The following MAML3 variants were observed in gnomAD, a reference collection of about 807,000 sequenced individuals.
MAML3 encodes mastermind-like protein 3.
MAML3 carries 27 observed loss-of-function variants against 101.9 expected under a neutral mutation model. The ratio of observed to expected loss-of-function variants is 0.27; its 90% CI spans 0.20 to 0.37. The LOEUF (loss-of-function observed/expected upper bound fraction) is 0.37, where lower values mean the gene tolerates loss of function less well. Ranked by LOEUF, MAML3 falls within the 10% of genes least tolerant of loss-of-function variation. The pLI is 1.00. For synonymous variants in MAML3, 501 were observed against 555.9 expected, an observed-to-expected ratio of 0.90 and a Z score of 1.39; for missense variants, 1,316 against 1,444.9, an observed-to-expected ratio of 0.91 and a Z score of 1.45.
At position 139,981,108 on chromosome 4, in the gene MAML3, C is replaced by T. The variant is rs114053611; in HGVS notation, c.469-90141G>A. Among the ~76,000 whole-genome samples the T allele has an allele frequency of 9.1e-4, 139 of 152,322 alleles. 1 individual carries two copies. The highest frequency in any genetic ancestry group is 2.9e-3 in the African/African-American group (119 of 41,562). On this transcript the variant is annotated intron_variant, in intron 1 of 4. Transcript: ENST00000509479. ...AGACAACAGGCATTTATTTTCTCAG[C>T]GTTCTGGAGTCTGGAAGCCCAAGAT...
chr4:140,082,925 C>G (rs1190200371), intron 1 of MAML3, among the ~76,000 whole-genome samples: 3 of 152,128 alleles, frequency 2.0e-5, no homozygotes. Context: ...ACCAAGGAGG[C>G]AATCCCTGAA....
At chr4:139,826,404 G>T (rs554070338) in intron 2 of MAML3, among the ~76,000 whole-genome samples, 357 of 152,242 alleles carry the variant, frequency 2.3e-3, no homozygotes, top group Admixed American at 5.9e-3. Context: ...TTATTCACCT[G>T]CTGGGTGAAC....
chr4:139,943,102 C>G (rs1733637410), intron 1 of MAML3, among the ~76,000 whole-genome samples: 1 of 152,134 alleles, frequency 6.6e-6, no homozygotes, highest in South Asian at 2.1e-4. Flanking sequence ...GAATGTTTCA[C>G]CTAAAATAAA....
intron 2 of MAML3, among the ~76,000 whole-genome samples, chr4:139,875,621 T>A (rs936966354): frequency 2.0e-5 from 3 of 152,126 alleles, no homozygotes; most frequent in African/African-American, 7.2e-5. Flanking sequence ...GCAGGATGTT[T>A]ATATGGCCCC....
At chr4:139,975,677 G>A (rs912950740) in intron 1 of MAML3, among the ~76,000 whole-genome samples, 1 of 152,150 alleles carries the variant, frequency 6.6e-6, no homozygotes, top group African/African-American at 2.4e-5. Flanking sequence ...TAGAATAGGG[G>A]CCCAGGAACT....
intron 1 of MAML3, among the ~76,000 whole-genome samples, chr4:140,041,391 C>T (rs1385338612): frequency 4.6e-5 from 7 of 152,108 alleles, no homozygotes; most frequent in South Asian, 4.2e-4. Context: ...TGAGAGGCAG[C>T]GGTGGGTGGA....
chr4:140,065,434 A>C (rs1727519572), intron 1 of MAML3, among the ~76,000 whole-genome samples: 1 of 152,218 alleles, frequency 6.6e-6, no homozygotes, highest in African/African-American at 2.4e-5. Flanking sequence ...AACACAGCCC[A>C]TTCTTTCTGC....
chr4:139,747,241 A>G (rs1398146588), intron 2 of MAML3, among the ~76,000 whole-genome samples: 2 of 152,224 alleles, frequency 1.3e-5, no homozygotes, highest in African/African-American at 4.8e-5. Context: ...CTGAGGAAGG[A>G]AATGTAACTT....
intron 1 of MAML3, among the ~76,000 whole-genome samples, chr4:140,008,442 T>C (rs1254556976): frequency 6.6e-6 from 1 of 152,204 alleles, no homozygotes; most frequent in African/African-American, 2.4e-5. Context: ...GGACCAAGCA[T>C]TTTCTGACCA....
chr4:140,009,891 C>A (rs1183189970), intron 1 of MAML3, among the ~76,000 whole-genome samples: 1 of 152,176 alleles, frequency 6.6e-6, no homozygotes, highest in African/African-American at 2.4e-5. Flanking sequence ...CTCATAATAT[C>A]ATTAATTAGA....
At chr4:139,877,964 C>G (rs1485244278) in intron 2 of MAML3, among the ~76,000 whole-genome samples, 2 of 152,158 alleles carry the variant, frequency 1.3e-5, no homozygotes, top group Non-Finnish European at 2.9e-5. Flanking sequence ...GCACCAAGTT[C>G]TGTTACTTCT....
rs1463514034 is a variant in MAML3 at position 139,718,632 on chromosome 4, C to T, written c.*691G>A. ...CAGGACTGCCGGATGGACCCTGCTC[C>T]AAACTCAGCCTGCTCTCCTTGTGAC... On this transcript the variant is annotated 3_prime_UTR_variant, in exon 5 of 5. Transcript: ENST00000509479. 6.6e-6 allele frequency: 1 copy of T among 152,398 alleles called. No homozygotes were observed. Among genetic ancestry groups the T allele is most frequent in the East Asian group, 1.9e-4 (1 of 5,196 alleles). 9.4% of individuals were successfully genotyped at this position (152,398 alleles called of 1,614,324 possible).
intron 1 of MAML3, among the ~76,000 whole-genome samples, chr4:139,910,909 A>AT (rs1732904188): frequency 6.6e-6 from 1 of 152,230 alleles, no homozygotes; most frequent in African/African-American, 2.4e-5. Context: ...AAAATTTACC[A>AT]TCTTAGCCAT....
Position 139,873,570 on chromosome 4 carries a change from G to A in MAML3, c.2079+15787C>T, listed in dbSNP as rs567973287. Among the ~76,000 whole-genome samples the A allele has an allele frequency of 7.9e-5, 12 of 152,284 alleles. No individual in the cohort carries two copies. In the South Asian group the frequency reaches 1.2e-3, roughly 16 times the overall value. On this transcript the variant is annotated intron_variant, in intron 2 of 4. Coordinates refer to ENST00000509479, the MANE Select transcript of MAML3 (RefSeq NM_018717.5). ...TGAAGAAACGAAGGTGTGTGATTTC[G>A]ATAGTATGTCATGAAATGAACTGTG...
chr4:140,153,803 A>C lies in MAML3; in HGVS notation c.-476T>G. On this transcript the variant is annotated 5_prime_UTR_variant, in exon 1 of 5. Coordinates refer to ENST00000509479, the MANE Select transcript of MAML3 (RefSeq NM_018717.5). Reference sequence around the variant, plus strand: ...CCTCCAGTGCGGACACGCGCGACACACACTCACTCCACACCGCATCGGAAA... The same window carrying C: ...CCTCCAGTGCGGACACGCGCGACACCCACTCACTCCACACCGCATCGGAAA... 1 of 147,068 alleles carries C rather than the reference A, an allele frequency of 6.8e-6. No individual in the cohort carries two copies. 9.1% of individuals were successfully genotyped at this position (147,068 alleles called of 1,614,324 possible). A position where few individuals can be genotyped will look rare whatever the true frequency, so the allele number is the denominator to read the frequency against.
intron 1 of MAML3, among the ~76,000 whole-genome samples, chr4:139,990,494 A>C (rs1176673815): frequency 6.7e-6 from 1 of 149,896 alleles, no homozygotes; most frequent in Non-Finnish European, 1.5e-5. Context: ...CTGGCACAAG[A>C]CAGGGATGCC....
intron 2 of MAML3, among the ~76,000 whole-genome samples, chr4:139,807,921 A>G (rs1178253046): frequency 6.6e-6 from 1 of 152,250 alleles, no homozygotes; most frequent in African/African-American, 2.4e-5. Flanking sequence ...AGTGAATTTT[A>G]GCTTAGCAAG....
intron 1 of MAML3, among the ~76,000 whole-genome samples, chr4:139,977,839 C>G (rs950810110): frequency 6.6e-6 from 1 of 151,806 alleles, no homozygotes; most frequent in Non-Finnish European, 1.5e-5. Context: ...TGCCACTGCA[C>G]TCCAGCCAGG....
chr4:139,939,642 A>G, intron 1 of MAML3, among the ~76,000 whole-genome samples: 1 of 151,448 alleles, frequency 6.6e-6, no homozygotes, highest in East Asian at 1.9e-4. Context: ...CTCCCAATAC[A>G]TTGTTATTTG....
Sources: allele counts gnomAD v4.1 joint callset (sites outside exome capture counted in the v4.1 genomes callset), GRCh38; gene constraint gnomAD v4.1.1; transcripts MANE v1.5; gene names NCBI Gene and HGNC (gene_info 2026-07-23, HGNC 2026-07-21).